The following NDUFAF7 variants were observed in gnomAD, a reference collection of about 807,000 sequenced individuals.
The protein encoded by NDUFAF7 is NADH:ubiquinone oxidoreductase complex assembly factor 7.
A neutral mutation model predicts 47.2 loss-of-function variants in NDUFAF7; 48 were observed. The ratio of observed to expected loss-of-function variants is 1.02; its 90% CI spans 0.81 to 1.29. The LOEUF (loss-of-function observed/expected upper bound fraction) is 1.29, where lower values mean the gene tolerates loss of function less well. Ranked by LOEUF, NDUFAF7 falls within the 50% of genes most tolerant of loss-of-function variation. NDUFAF7 has a pLI of 0.00. For synonymous variants in NDUFAF7, 217 were observed against 190.0 expected (o/e 1.14, Z -1.17); for missense variants, 635 against 537.6 (o/e 1.18, Z -1.79).
chr2:37,244,034 C>A, intron 7 of NDUFAF7, 61 bp downstream of exon 7: 1 of 1,353,950 alleles, frequency 7.4e-7, no homozygotes. Context: ...GTCTTATTTT[C>A]TGAGTTACTA....
Position 37,232,093 on chromosome 2 carries a change from G to A in NDUFAF7, c.56-13G>A, listed in dbSNP as rs1163973065. 6.2e-7 allele frequency: 1 copy of A among 1,614,234 alleles called. No individual in the cohort carries two copies. Among genetic ancestry groups the A allele is most frequent in the East Asian group, 2.2e-5 (1 of 44,890 alleles). On this transcript the variant is annotated splice_polypyrimidine_tract_variant and intron_variant, in intron 1 of 9. Coordinates refer to ENST00000002125, the MANE Select transcript of NDUFAF7 (RefSeq NM_144736.5). ...ATTTATCATGGGGTCTGTTTAATTT[G>A]TGTTTTTCGCAGCCATTCCTTTTAT...
chr2:37,255,174 A>C (rs1367384867), downstream of NDUFAF7, among the ~76,000 whole-genome samples: 1 of 152,228 alleles, frequency 6.6e-6, no homozygotes, highest in Admixed American at 6.5e-5. Context: ...ACATCAAAAA[A>C]CATCTCTTAT....
intron 6 of NDUFAF7, among the ~76,000 whole-genome samples, chr2:37,243,567 G>A (rs571151067): frequency 6.6e-6 from 1 of 152,334 alleles, no homozygotes; most frequent in East Asian, 1.9e-4. Context: ...TGATCCTGTA[G>A]TAATTTGTTA....
At position 37,232,227 on chromosome 2, in the gene NDUFAF7, G is replaced by A. The variant is rs191709602; in HGVS notation, c.177G>A (p.Val59=). 6 of 1,613,716 alleles carry A rather than the reference G, an allele frequency of 3.7e-6. No homozygotes were observed. Among genetic ancestry groups the A allele is most frequent in the Admixed American group, 1.7e-5 (1 of 60,024 alleles). The stretch of plus-strand genomic sequence containing the variant: ...TAAAGTCTACTGGTCCCATCACTGT[G>A]GCCGAGTACATGAAGGAGGTGTTGA... The part of the protein sequence containing the change: ...YKIKSTGPIT[V]AEYMKEVLTN... Residue 59 remains valine (V), a synonymous_variant, in exon 2 of 10, where the codon GTG becomes GTA. Coordinates refer to ENST00000002125, the MANE Select transcript of NDUFAF7 (RefSeq NM_144736.5).
At chr2:37,245,943 T>C (rs1666851814) in intron 7 of NDUFAF7, 109 bp from the exon 8 acceptor site, 1 of 1,257,326 alleles carries the variant, frequency 8.0e-7, no homozygotes, top group African/African-American at 1.5e-5. Context: ...ATTAAGAATT[T>C]ATTTTTATTA....
downstream of NDUFAF7, among the ~76,000 whole-genome samples, chr2:37,253,813 G>C (rs542582092): frequency 2.1e-4 from 32 of 152,266 alleles, no homozygotes; most frequent in African/African-American, 7.5e-4. Context: ...CTGAAGTTTG[G>C]AGGGTATCTT....
In NDUFAF7 at chr2:37,242,637, T is replaced by C. The variant is rs762070221; in HGVS notation, c.625T>C (p.Tyr209His). The C allele has an allele frequency of 5.0e-6, 8 of 1,587,616 alleles. No individual in the cohort carries two copies. The highest frequency in any genetic ancestry group is 6.1e-6 in the Non-Finnish European group (7 of 1,156,570). Residue 209 changes from tyrosine (Y) to histidine (H), a missense_variant and splice_region_variant, in exon 6 of 10, where the codon TAC becomes CAC. By Grantham distance (83) the Tyr-to-His change is moderately conservative (BLOSUM62 2). Transcript: ENST00000002125. ...ATTGTTTTCCTCTTTTTAAATAGGG[T>C]ACAGCTTTTATCTTGCACATGAATT... ...YRDLHDVPKGYSFYLAHEFFD... is the reference protein window; with the variant it reads ...YRDLHDVPKGHSFYLAHEFFD...
intron 2 of NDUFAF7, among the ~76,000 whole-genome samples, chr2:37,233,489 G>A (rs1315221577): frequency 2.0e-5 from 3 of 152,238 alleles, no homozygotes; most frequent in Non-Finnish European, 2.9e-5. Flanking sequence ...TTAGCCGGGC[G>A]TGGTGGCTTG....
At chr2:37,244,611 G>C (rs1666720387) in intron 7 of NDUFAF7, among the ~76,000 whole-genome samples, 1 of 152,062 alleles carries the variant, frequency 6.6e-6, no homozygotes, top group African/African-American at 2.4e-5. Context: ...CCAGGCTTCA[G>C]ACTGCCTCTT....
In NDUFAF7 at chr2:37,232,119, T is replaced by A. The variant is rs1665211546; in HGVS notation, c.69T>A (p.Ile23=). 6.2e-7 allele frequency: 1 copy of A among 1,614,208 alleles called. No individual in the cohort carries two copies. Among genetic ancestry groups the A allele is most frequent in the East Asian group, 2.2e-5 (1 of 44,888 alleles). Residue 23 remains isoleucine, a synonymous_variant, in exon 2 of 10, where the codon ATT becomes ATA. Coordinates refer to ENST00000002125, the MANE Select transcript of NDUFAF7 (RefSeq NM_144736.5). ...CAVARAAIPF[I]WRGKYFSSGN... ...TGTTTTTCGCAGCCATTCCTTTTAT[T>A]TGGAGAGGGAAATACTTCAGCTCCG... is the stretch of plus-strand genomic sequence containing the variant.
At position 37,246,160 on chromosome 2, in the gene NDUFAF7, T is replaced by C; in HGVS notation, c.901T>C (p.Tyr301His). The change falls in exon 8 of 10, where the codon TAT (tyrosine) becomes CAT (histidine). Residue 301 changes from tyrosine to histidine, a missense_variant. Tyr to His is a moderately conservative substitution (Grantham distance 83). Coordinates refer to ENST00000002125, the MANE Select transcript of NDUFAF7 (RefSeq NM_144736.5). ...LTGGAALVADYGHDGTKTDTF... is the reference protein window; with the variant it reads ...LTGGAALVADHGHDGTKTDTF... ...TGGAGGTGCTGCACTGGTTGCTGAT[T>C]ATGGTCATGATGGAACAAAGACAGA... 6.2e-7 allele frequency: 1 copy of C among 1,613,924 alleles called. No homozygotes were observed. Among genetic ancestry groups the C allele is most frequent in the Non-Finnish European group, 8.5e-7 (1 of 1,179,852 alleles).
At chr2:37,268,497 G>A in the NDUFAF7 span, 2 of 359,818 alleles carry the variant, frequency 5.6e-6, no homozygotes, top group South Asian at 2.1e-5. Context: ...CACAGCCAAC[G>A]CTCCAATAAA....
downstream of NDUFAF7, among the ~76,000 whole-genome samples, chr2:37,257,418 C>G (rs1668041237): frequency 1.3e-5 from 2 of 152,062 alleles, no homozygotes; most frequent in South Asian, 4.1e-4. Flanking sequence ...GTAATCCCAG[C>G]ACTTTGGGAG....
chr2:37,256,335 C>T (rs533879035), downstream of NDUFAF7, among the ~76,000 whole-genome samples: 1 of 152,006 alleles, frequency 6.6e-6, no homozygotes. Context: ...GTAATGTTTC[C>T]TGAAGATAGA....
At chr2:37,238,850 C>G (rs1326146175) in intron 4 of NDUFAF7, among the ~76,000 whole-genome samples, 1 of 129,770 alleles carries the variant, frequency 7.7e-6, no homozygotes, top group Non-Finnish European at 1.6e-5. Flanking sequence ...AAAATCAGGC[C>G]AAAGATGTGA....
chr2:37,232,386 C>G (rs1331466881), intron 2 of NDUFAF7, 120 bp downstream of exon 2: 3 of 1,320,154 alleles, frequency 2.3e-6, no homozygotes, highest in Admixed American at 1.7e-5. Context: ...AGGGGAAGAG[C>G]CATTTCTGAG....
At chr2:37,232,961 T>C (rs1231327431) in intron 2 of NDUFAF7, among the ~76,000 whole-genome samples, 1 of 152,196 alleles carries the variant, frequency 6.6e-6, no homozygotes, top group Admixed American at 6.5e-5. Flanking sequence ...CCATTGTTGT[T>C]GGATATGGTA....
At chr2:37,247,208 A>G in intron 8 of NDUFAF7, 1 of 534,436 alleles carries the variant, frequency 1.9e-6, no homozygotes, top group Non-Finnish European at 3.4e-6. Context: ...CGTTGCTGAA[A>G]AGGACGTGAT....
intron 4 of NDUFAF7, among the ~76,000 whole-genome samples, chr2:37,239,146 T>A (rs566397509): frequency 6.8e-6 from 1 of 147,776 alleles, no homozygotes; most frequent in East Asian, 2.0e-4. Flanking sequence ...TGAGACACAG[T>A]CTCACTTTGT....
Sources: allele counts gnomAD v4.1 joint callset (sites outside exome capture counted in the v4.1 genomes callset), GRCh38; gene constraint gnomAD v4.1.1; transcripts MANE v1.5; gene names NCBI Gene and HGNC (gene_info 2026-07-23, HGNC 2026-07-21).